Variants in GABRA2 observed in about 807,000 individuals in gnomAD.
GABRA2 encodes the protein gamma-aminobutyric acid type A receptor subunit alpha2, also known as gamma-aminobutyric acid receptor subunit alpha-2.
GABRA2 carries 16 observed loss-of-function variants against 48.7 expected under a neutral mutation model. The observed-to-expected ratio is 0.33, with a 90% CI of 0.22 to 0.50. The LOEUF (loss-of-function observed/expected upper bound fraction) is 0.50, where lower values mean the gene tolerates loss of function less well. Among genes scored for constraint, GABRA2 ranks in the 20% least tolerant of loss-of-function variants. The pLI is 0.98. For synonymous variants in GABRA2, 185 were observed against 184.5 expected (o/e 1.00, Z -0.02); for missense variants, 275 against 535.6 (o/e 0.51, Z 4.80).
At chr4:46,294,740 A>G (rs1235852010) in intron 8 of GABRA2, among the ~76,000 whole-genome samples, 1 of 152,054 alleles carries the variant, frequency 6.6e-6, no homozygotes, top group East Asian at 1.9e-4. Flanking sequence ...TCTGCAGATA[A>G]CTACTCTTTT....
intron 3 of GABRA2, among the ~76,000 whole-genome samples, chr4:46,383,562 AATCTT>A (rs1189364458): frequency 6.6e-6 from 1 of 152,254 alleles, no homozygotes; most frequent in African/African-American, 2.4e-5. Context: ...ATGAGCTTCT[AATCTT>A]AATAAGGTAA....
At chr4:46,290,474 AGT>A (rs1438948156) in intron 8 of GABRA2, among the ~76,000 whole-genome samples, 1 of 152,068 alleles carries the variant, frequency 6.6e-6, no homozygotes, top group Admixed American at 6.5e-5. Flanking sequence ...TCAGTGGACA[AGT>A]CTTTCACCTT....
intron 8 of GABRA2, among the ~76,000 whole-genome samples, chr4:46,272,894 G>A (rs1018144032): frequency 6.6e-6 from 1 of 151,928 alleles, no homozygotes; most frequent in Admixed American, 6.6e-5. Flanking sequence ...CAAGAGCAAT[G>A]GGAAACTATT....
chr4:46,358,981 T>A (rs544037891), intron 3 of GABRA2, among the ~76,000 whole-genome samples: 53 of 152,290 alleles, frequency 3.5e-4, no homozygotes, highest in Non-Finnish European at 6.3e-4. Flanking sequence ...CTTCATCCAC[T>A]CATTCCACCA....
intron 4 of GABRA2, among the ~76,000 whole-genome samples, chr4:46,314,131 A>G (rs1318104165): frequency 6.6e-6 from 1 of 152,120 alleles, no homozygotes; most frequent in Non-Finnish European, 1.5e-5. Flanking sequence ...TAAACATTAA[A>G]TGGAACTCTA....
At chr4:46,286,666 C>T (rs187183008) in intron 8 of GABRA2, among the ~76,000 whole-genome samples, 64 of 152,210 alleles carry the variant, frequency 4.2e-4, no homozygotes, top group African/African-American at 1.5e-3. Context: ...ATGTATCACA[C>T]TGTGGTTTTT....
Position 46,389,767 on chromosome 4 carries a change from C to A in GABRA2, c.-43G>T. 2.1e-6 allele frequency: 2 copies of A among 963,750 alleles called. No homozygotes were observed. The highest frequency in any genetic ancestry group is 2.4e-6 in the Non-Finnish European group (2 of 826,162). 59.7% of individuals were successfully genotyped at this position (963,750 alleles called of 1,614,324 possible). ...GGCAAGCAGAATTCGGTGTTTTCTT[C>A]CTTTTGCCCTGATCTTGACGAGATA... On this transcript the variant is annotated 5_prime_UTR_variant, in exon 1 of 10. Transcript: ENST00000381620.
chr4:46,339,694 C>T (rs896241148), intron 3 of GABRA2, among the ~76,000 whole-genome samples: 17 of 151,834 alleles, frequency 1.1e-4, no homozygotes, highest in African/African-American at 3.9e-4. Flanking sequence ...ACATCGTAAT[C>T]ACTTTATTTT....
intron 3 of GABRA2, among the ~76,000 whole-genome samples, chr4:46,378,216 A>G (rs1252158182): frequency 1.3e-5 from 2 of 152,198 alleles, no homozygotes; most frequent in African/African-American, 4.8e-5. Context: ...TGGAATGGAA[A>G]GGGGGGAAGG....
chr4:46,253,184 C>A (rs1715145879), intron 9 of GABRA2, among the ~76,000 whole-genome samples: 1 of 150,148 alleles, frequency 6.7e-6, no homozygotes, highest in Non-Finnish European at 1.5e-5. Context: ...TTTTTTTTTG[C>A]AACAGGAGTC....
intron 5 of GABRA2, among the ~76,000 whole-genome samples, chr4:46,310,547 A>G (rs1727468486): frequency 6.6e-6 from 1 of 152,146 alleles, no homozygotes; most frequent in Non-Finnish European, 1.5e-5. Flanking sequence ...TTTCTCATTA[A>G]GCTCACTATT....
chr4:46,261,857 C>A, intron 9 of GABRA2, 69 bp downstream of exon 9: 1 of 1,258,190 alleles, frequency 7.9e-7, no homozygotes, highest in Non-Finnish European at 1.2e-6. Flanking sequence ...TTTTTAGAAA[C>A]ATATCTGTTA....
intron 4 of GABRA2, among the ~76,000 whole-genome samples, chr4:46,328,853 T>C (rs542194428): frequency 3.3e-5 from 5 of 152,194 alleles, no homozygotes; most frequent in East Asian, 3.9e-4. Flanking sequence ...TCCTTACTTA[T>C]CTTGATTTCC....
chr4:46,323,459 T>A (rs1294814287), intron 4 of GABRA2, among the ~76,000 whole-genome samples: 2 of 152,008 alleles, frequency 1.3e-5, no homozygotes, highest in Non-Finnish European at 2.9e-5. Context: ...ACATCCCCTC[T>A]GATACCACAT....
At chr4:46,268,145 G>T (rs1718622323) in intron 8 of GABRA2, among the ~76,000 whole-genome samples, 2 of 151,860 alleles carry the variant, frequency 1.3e-5, no homozygotes, top group Admixed American at 1.3e-4. Flanking sequence ...TTCGGGTAAT[G>T]ATTTTTTAGG....
chr4:46,279,117 C>G (rs1316105000), intron 8 of GABRA2, among the ~76,000 whole-genome samples: 1 of 152,064 alleles, frequency 6.6e-6, no homozygotes, highest in African/African-American at 2.4e-5. Flanking sequence ...TTCCCATAAA[C>G]TTCATAGTCA....
At chr4:46,281,757 A>G (rs1170219014) in intron 8 of GABRA2, among the ~76,000 whole-genome samples, 2 of 152,198 alleles carry the variant, frequency 1.3e-5, no homozygotes, top group African/African-American at 2.4e-5. Flanking sequence ...CAAGTAAATC[A>G]TCTTAAAAGG....
chr4:46,262,339 C>T (rs930886692), intron 8 of GABRA2, among the ~76,000 whole-genome samples: 8 of 151,932 alleles, frequency 5.3e-5, no homozygotes, highest in African/African-American at 1.9e-4. Flanking sequence ...TAATGACTCT[C>T]AAAATACTTT....
chr4:46,385,393 G>A (rs140758103), intron 3 of GABRA2, among the ~76,000 whole-genome samples: 13 of 151,120 alleles, frequency 8.6e-5, no homozygotes, highest in African/African-American at 2.7e-4. Context: ...TTCCCTTTTC[G>A]AATAAAAATA....
Sources: allele counts gnomAD v4.1 joint callset (sites outside exome capture counted in the v4.1 genomes callset), GRCh38; gene constraint gnomAD v4.1.1; transcripts MANE v1.5; gene names NCBI Gene and HGNC (gene_info 2026-07-23, HGNC 2026-07-21).